Variants in ZBTB44 observed in about 807,000 individuals in gnomAD.
ZBTB44 encodes the protein zinc finger and BTB domain containing 44, also known as zinc finger and BTB domain-containing protein 44.
ZBTB44 carries 15 observed loss-of-function variants against 54.0 expected under a neutral mutation model. The ratio of observed to expected loss-of-function variants is 0.28; its 90% confidence interval spans 0.19 to 0.43. ZBTB44 has a LOEUF of 0.43. Among genes scored for constraint, ZBTB44 ranks in the 20% least tolerant of loss-of-function variants. The pLI is 1.00. For synonymous variants in ZBTB44, 230 were observed against 250.1 expected, an observed-to-expected ratio of 0.92 and a Z score of 0.76; for missense variants, 487 against 707.1, an observed-to-expected ratio of 0.69 and a Z score of 3.53.
chr11:130,299,463 G>GA (rs893592392), intron 1 of ZBTB44, among the ~76,000 whole-genome samples: 92 of 151,554 alleles, frequency 6.1e-4, no homozygotes, highest in African/African-American at 2.1e-3. Flanking sequence ...TGGGGCAGGA[G>GA]AATCACTTGA....
chr11:130,256,876 C>G (rs1938483986), intron 2 of ZBTB44, among the ~76,000 whole-genome samples: 1 of 151,980 alleles, frequency 6.6e-6, no homozygotes, highest in South Asian at 2.1e-4. Context: ...CTATTCAACA[C>G]AGTACTGGAA....
chr11:130,257,977 C>T (rs966474062), intron 2 of ZBTB44, among the ~76,000 whole-genome samples: 2 of 152,138 alleles, frequency 1.3e-5, no homozygotes, highest in Admixed American at 6.6e-5. Context: ...TGATCATCAT[C>T]CAAGCACAAT....
intron 4 of ZBTB44, 139 bp downstream of exon 4, chr11:130,238,305 C>T (rs1410517274): frequency 1.8e-6 from 2 of 1,106,416 alleles, no homozygotes; most frequent in South Asian, 1.8e-5. Flanking sequence ...CAGCAATAAA[C>T]CTTAGCTAAT....
chr11:130,280,601 G>A (rs1304475853), intron 1 of ZBTB44, among the ~76,000 whole-genome samples: 1 of 152,146 alleles, frequency 6.6e-6, no homozygotes, highest in Non-Finnish European at 1.5e-5. Flanking sequence ...GCCATTTATA[G>A]AACATTCTAT....
intron 2 of ZBTB44, among the ~76,000 whole-genome samples, chr11:130,251,110 CAG>C (rs1401350451): frequency 1.3e-5 from 2 of 152,060 alleles, no homozygotes; most frequent in African/African-American, 2.4e-5. Context: ...AATGACCTGA[CAG>C]AGCTAAAAAA....
chr11:130,291,187 A>G (rs890303910), intron 1 of ZBTB44, among the ~76,000 whole-genome samples: 2 of 151,436 alleles, frequency 1.3e-5, no homozygotes, highest in African/African-American at 4.9e-5. Flanking sequence ...GCTGGAGTGC[A>G]GTGGTGCAAT....
chr11:130,307,815 T>C (rs1942362946), intron 1 of ZBTB44, among the ~76,000 whole-genome samples: 2 of 152,104 alleles, frequency 1.3e-5, no homozygotes, highest in Non-Finnish European at 2.9e-5. Flanking sequence ...TGGTGTAACC[T>C]TCCAGGTTCA....
At chr11:130,310,007 A>G (rs1942496376) in intron 1 of ZBTB44, among the ~76,000 whole-genome samples, 1 of 152,068 alleles carries the variant, frequency 6.6e-6, no homozygotes, top group Admixed American at 6.6e-5. Context: ...TTTTTATGGA[A>G]TTTTTATTTA....
intron 1 of ZBTB44, among the ~76,000 whole-genome samples, chr11:130,281,946 A>C: frequency 6.6e-6 from 1 of 152,100 alleles, no homozygotes; most frequent in East Asian, 1.9e-4. Context: ...ATTTTGTAAA[A>C]GTTCTCCAAT....
chr11:130,293,982 G>C (rs922888327), intron 1 of ZBTB44, among the ~76,000 whole-genome samples: 8 of 152,110 alleles, frequency 5.3e-5, no homozygotes, highest in Non-Finnish European at 7.4e-5. Context: ...TCCTCTCCTT[G>C]TTAGTAGTCA....
intron 1 of ZBTB44, among the ~76,000 whole-genome samples, chr11:130,294,534 T>A (rs951523375): frequency 3.2e-4 from 29 of 89,848 alleles, no homozygotes; most frequent in African/African-American, 1.1e-3. Context: ...AAGGTCTATA[T>A]GACCAAAAAA....
At chr11:130,295,984 C>A (rs1047016201) in intron 1 of ZBTB44, 2 of 1,548,356 alleles carry the variant, frequency 1.3e-6, no homozygotes, top group Non-Finnish European at 1.8e-6. Flanking sequence ...AGGCCGTCTG[C>A]TGTATCATAT....
intron 2 of ZBTB44, among the ~76,000 whole-genome samples, chr11:130,244,792 T>C (rs531940984): frequency 2.6e-5 from 4 of 152,162 alleles, no homozygotes; most frequent in Non-Finnish European, 4.4e-5. Flanking sequence ...TTCCTTCTGA[T>C]GAAGATTTGG....
intron 1 of ZBTB44, among the ~76,000 whole-genome samples, chr11:130,313,072 A>C (rs1310494905): frequency 6.6e-6 from 1 of 152,208 alleles, no homozygotes; most frequent in Non-Finnish European, 1.5e-5. Flanking sequence ...TATACGACTA[A>C]AATTTTTCAT....
At chr11:130,308,664 T>C (rs537207805) in intron 1 of ZBTB44, among the ~76,000 whole-genome samples, 2 of 152,366 alleles carry the variant, frequency 1.3e-5, no homozygotes, top group South Asian at 4.1e-4. Context: ...CAACAGGTTC[T>C]AGCTGCTACA....
chr11:130,296,702 T>G, intron 1 of ZBTB44: 1 of 1,033,896 alleles, frequency 9.7e-7, no homozygotes, highest in South Asian at 1.3e-5. Context: ...AATTTGACTT[T>G]TCCTGGTCTA....
intron 1 of ZBTB44, among the ~76,000 whole-genome samples, chr11:130,286,876 T>G (rs969408999): frequency 1.3e-5 from 2 of 152,202 alleles, no homozygotes; most frequent in Admixed American, 1.3e-4. Context: ...AAGAGCCCAG[T>G]GCCCAGCACA....
chr11:130,308,438 G>A (rs1183186122), intron 1 of ZBTB44, among the ~76,000 whole-genome samples: 1 of 152,144 alleles, frequency 6.6e-6, no homozygotes, highest in Non-Finnish European at 1.5e-5. Flanking sequence ...TTTGAAACCT[G>A]GGTCGGCCAC....
chr11:130,286,438 A>G (rs1940969082), intron 1 of ZBTB44, among the ~76,000 whole-genome samples: 2 of 152,210 alleles, frequency 1.3e-5, no homozygotes, highest in African/African-American at 4.8e-5. Flanking sequence ...CCCATAAATT[A>G]TATCTCACAC....
Sources: allele counts gnomAD v4.1 joint callset (sites outside exome capture counted in the v4.1 genomes callset), GRCh38; gene constraint gnomAD v4.1.1; transcripts MANE v1.5; gene names NCBI Gene and HGNC (gene_info 2026-07-23, HGNC 2026-07-21).